SH3GL3: variants seen among roughly 807,000 people sequenced by gnomAD.
SH3GL3 encodes endophilin-A3.
In SH3GL3, 33 loss-of-function variants were observed where a neutral mutation model predicts 47.7. That is an observed-to-expected ratio of 0.69 (90% CI 0.52 to 0.92). The LOEUF is 0.92. SH3GL3 is among the 40% of genes least tolerant of loss of function. The pLI is 0.00. For missense variants in SH3GL3, 363 were observed against 417.8 expected (o/e 0.87, Z 1.14); for synonymous variants, 155 against 148.8 (o/e 1.04, Z -0.30).
At chr15:83,567,353 G>T (rs2045598053) in intron 3 of SH3GL3, among the ~76,000 whole-genome samples, 1 of 152,082 alleles carries the variant, frequency 6.6e-6, no homozygotes, top group African/African-American at 2.4e-5. Flanking sequence ...TCATAATTAT[G>T]TCCTGTATAT....
chr15:83,457,499 A>G (rs1463766246), intron 1 of SH3GL3, among the ~76,000 whole-genome samples: 1 of 152,212 alleles, frequency 6.6e-6, no homozygotes, highest in Non-Finnish European at 1.5e-5. Flanking sequence ...GCCTGGACGT[A>G]TTCCCTGTAA....
intron 1 of SH3GL3, among the ~76,000 whole-genome samples, chr15:83,510,652 TATAA>T (rs1421489912): frequency 6.6e-6 from 1 of 151,938 alleles, no homozygotes; most frequent in African/African-American, 2.4e-5. Context: ...TCAGAGAAAA[TATAA>T]ATATTTTATG....
intron 3 of SH3GL3, among the ~76,000 whole-genome samples, chr15:83,568,046 G>C (rs890635195): frequency 6.7e-6 from 1 of 149,384 alleles, no homozygotes; most frequent in Non-Finnish European, 1.5e-5. Flanking sequence ...GCAATGGCGC[G>C]ATCTTGGCTC....
chr15:83,527,396 G>A (rs1049053716), intron 1 of SH3GL3, among the ~76,000 whole-genome samples: 1 of 151,792 alleles, frequency 6.6e-6, no homozygotes, highest in African/African-American at 2.4e-5. Context: ...TGGGTGCTTC[G>A]GTTTTGGTGC....
intron 5 of SH3GL3, among the ~76,000 whole-genome samples, chr15:83,573,569 C>A (rs1179163046): frequency 6.6e-6 from 1 of 152,208 alleles, no homozygotes; most frequent in Non-Finnish European, 1.5e-5. Context: ...CTGTTCCAGC[C>A]CATCCTTTCC....
Position 83,520,776 on chromosome 15 carries a change from A to G in SH3GL3, c.46-38477A>G, listed in dbSNP as rs561460509. ...TGTATTGAATACTGGAAATTTGCTA[A>G]GATGGTAGATTTTAGATGCTCTTAC... On this transcript the variant is annotated intron_variant, in intron 1 of 8. Coordinates refer to ENST00000427482, the MANE Select transcript of SH3GL3 (RefSeq NM_003027.5). 2.6e-5 allele frequency among the ~76,000 whole-genome samples: 4 copies of G among 152,316 alleles called. No homozygotes were observed. The South Asian group carries it at 8.3e-4, about 32-fold the overall frequency.
chr15:83,517,205 CTTT>C (rs36096315), intron 1 of SH3GL3, among the ~76,000 whole-genome samples: 9 of 109,670 alleles, frequency 8.2e-5, no homozygotes, highest in Admixed American at 9.4e-5. Flanking sequence ...CTTTTCTTTT[CTTT>C]TTTTTTTTTT....
chr15:83,592,715 G>A (rs1269343661), intron 8 of SH3GL3, among the ~76,000 whole-genome samples: 1 of 152,046 alleles, frequency 6.6e-6, no homozygotes, highest in Non-Finnish European at 1.5e-5. Flanking sequence ...TCTTGATTTG[G>A]TGTGAAATGA....
intron 3 of SH3GL3, among the ~76,000 whole-genome samples, chr15:83,568,212 G>A (rs2045648074): frequency 6.6e-6 from 1 of 152,064 alleles, no homozygotes; most frequent in Non-Finnish European, 1.5e-5. Flanking sequence ...TTGAACTCCT[G>A]GCCTCAGGTG....
At chr15:83,607,676 C>T (rs564464943) in intron 8 of SH3GL3, among the ~76,000 whole-genome samples, 1 of 152,204 alleles carries the variant, frequency 6.6e-6, no homozygotes, top group African/African-American at 2.4e-5. Context: ...GTTTATGTGA[C>T]ATCTCCTGAC....
At chr15:83,577,944 G>T (rs2059729225) in intron 6 of SH3GL3, among the ~76,000 whole-genome samples, 1 of 152,242 alleles carries the variant, frequency 6.6e-6, no homozygotes, top group Non-Finnish European at 1.5e-5. Flanking sequence ...TCATCCCCCA[G>T]CTCTCTGGTG....
At chr15:83,623,830 G>T in the SH3GL3 span, among the ~76,000 whole-genome samples, 1 of 152,176 alleles carries the variant, frequency 6.6e-6, no homozygotes, top group East Asian at 1.9e-4. Context: ...TTGTCACCCA[G>T]GCTGGAGTGC....
At chr15:83,577,873 C>T (rs1420873793) in intron 6 of SH3GL3, among the ~76,000 whole-genome samples, 1 of 152,228 alleles carries the variant, frequency 6.6e-6, no homozygotes, top group African/African-American at 2.4e-5. Context: ...CTGAAAAGTA[C>T]TTGGCAAGGC....
chr15:83,631,372 C>T, the SH3GL3 span, among the ~76,000 whole-genome samples: 1 of 152,224 alleles, frequency 6.6e-6, no homozygotes, highest in Admixed American at 6.5e-5. Flanking sequence ...AGCAGTGCCT[C>T]AGTGGGGACT....
At chr15:83,462,993 CT>C (rs916055817) in intron 1 of SH3GL3, among the ~76,000 whole-genome samples, 57 of 152,232 alleles carry the variant, frequency 3.7e-4, no homozygotes, top group African/African-American at 1.4e-3. Flanking sequence ...AAAGAAAGAT[CT>C]TGATTAAAAG....
rs74803886 is a variant in SH3GL3, at chr15:83,570,950, G to A, written c.332-1615G>A. 6.6e-3 allele frequency among the ~76,000 whole-genome samples: 1,007 copies of A among 152,338 alleles called. 10 individuals carry two copies. Among genetic ancestry groups the A allele is most frequent in the African/African-American group, 0.023 (941 of 41,570 alleles). ...CTCCTGCCGTGCATCTGGCCTTGGC[G>A]ACAGCCAGACAATTTGGTAGCTTCC... On this transcript the variant is annotated intron_variant, in intron 4 of 8. Transcript: ENST00000427482.
the SH3GL3 span, among the ~76,000 whole-genome samples, chr15:83,627,722 A>T: frequency 6.6e-6 from 1 of 152,178 alleles, no homozygotes; most frequent in African/African-American, 2.4e-5. Flanking sequence ...TACATCCATG[A>T]TTGAGAAAAA....
chr15:83,570,419 A>G (rs2045760509), intron 4 of SH3GL3, among the ~76,000 whole-genome samples: 1 of 152,152 alleles, frequency 6.6e-6, no homozygotes, highest in African/African-American at 2.4e-5. Flanking sequence ...ACTTTAATAT[A>G]TTATTTACTA....
At chr15:83,522,839 T>C (rs548264598) in intron 1 of SH3GL3, among the ~76,000 whole-genome samples, 1 of 152,158 alleles carries the variant, frequency 6.6e-6, no homozygotes, top group Non-Finnish European at 1.5e-5. Context: ...GCAAGTTCAG[T>C]TGAAAACCTA....
Sources: gnomAD v4.1 joint callset for allele counts (sites outside exome capture counted in the v4.1 genomes callset) on GRCh38, gnomAD v4.1.1 for gene constraint, MANE v1.5 for transcripts, NCBI Gene and HGNC (gene_info 2026-07-23, HGNC 2026-07-21) for gene names.